Variants in RPS6KA2 observed in about 807,000 individuals in gnomAD.
RPS6KA2 encodes the protein ribosomal protein S6 kinase alpha-2.
A neutral mutation model predicts 91.8 loss-of-function variants in RPS6KA2; 42 were observed. The observed-to-expected ratio is 0.46, with a 90% CI of 0.36 to 0.59. The LOEUF (loss-of-function observed/expected upper bound fraction) is 0.59, where lower values mean the gene tolerates loss of function less well. Among genes scored for constraint, RPS6KA2 ranks in the 20% least tolerant of loss-of-function variants. RPS6KA2 has a pLI of 0.00. For synonymous variants in RPS6KA2, 414 were observed against 393.6 expected, an observed-to-expected ratio of 1.05 and a Z score of -0.61; for missense variants, 798 against 978.5, an observed-to-expected ratio of 0.82 and a Z score of 2.46.
chr6:166,439,151 C>G (rs1433014307), intron 14 of RPS6KA2, among the ~76,000 whole-genome samples: 2 of 152,088 alleles, frequency 1.3e-5, no homozygotes, highest in Non-Finnish European at 2.9e-5. Context: ...CTCTGTCGCC[C>G]AGGCTGGAGT....
chr6:166,779,999 T>C (rs1778725935), intron 2 of RPS6KA2, among the ~76,000 whole-genome samples: 1 of 152,170 alleles, frequency 6.6e-6, no homozygotes, highest in Admixed American at 6.5e-5. Context: ...AAGATGACAG[T>C]GCTCCCCCTT....
rs1778424651 is a variant in RPS6KA2 at position 166,770,076 on chromosome 6, T to G, written c.123+88124A>C. On this transcript the variant is annotated intron_variant, in intron 2 of 21. Transcript: ENST00000503859. This position sits in a 1 kb window ranked among gnomAD's most constrained non-coding sequence, Gnocchi z 5.1. Reference sequence around the variant, plus strand: ...AGAAACCAACTTCCAATGACCCGTTTGGCACCTACAAGGAGCAGGCCCATC... The same window carrying G: ...AGAAACCAACTTCCAATGACCCGTTGGGCACCTACAAGGAGCAGGCCCATC... 6.6e-6 allele frequency among the ~76,000 whole-genome samples: 1 copy of G among 152,210 alleles called. No individual in the cohort carries two copies. The highest frequency in any genetic ancestry group is 1.5e-5 in the Non-Finnish European group (1 of 68,046).
intron 2 of RPS6KA2, among the ~76,000 whole-genome samples, chr6:166,855,206 T>A (rs996497356): frequency 6.6e-6 from 1 of 152,136 alleles, no homozygotes; most frequent in Admixed American, 6.5e-5. Flanking sequence ...GGGGCGAGGA[T>A]GAAAAATCAC....
chr6:166,728,319 C>T (rs9457199), intron 2 of RPS6KA2, among the ~76,000 whole-genome samples: 3,116 of 152,264 alleles, frequency 0.02, 115 homozygotes, highest in African/African-American at 0.069. Flanking sequence ...TGGCAGAGAC[C>T]CAGGTTCCAC....
Position 166,504,579 on chromosome 6 carries a change from G to C in RPS6KA2, c.493C>G (p.Leu165Val). Residue 165 changes from leucine to valine, a missense_variant, in exon 6 of 21, where the codon CTG becomes GTG. Leu to Val is a conservative substitution (Grantham distance 32). Transcript: ENST00000265678. ...TCTAAAGCCAAGGCCAGCTCAGCCAGGTAGAACTTGACATCCTCCTCCGTG... is the reference window on the plus strand; with the variant it reads ...TCTAAAGCCAAGGCCAGCTCAGCCACGTAGAACTTGACATCCTCCTCCGTG... ...MFTEEDVKFY[L>V]AELALALDHL... 2.5e-6 allele frequency: 4 copies of C among 1,613,708 alleles called. No individual in the cohort carries two copies. Among genetic ancestry groups the C allele is most frequent in the Non-Finnish European group, 3.4e-6 (4 of 1,179,766 alleles).
rs182337390 is a variant in RPS6KA2 at position 166,480,795 on chromosome 6, G to A, written c.907+8038C>T. On this transcript the variant is annotated intron_variant, in intron 10 of 20. Transcript: ENST00000265678. The stretch of plus-strand genomic sequence containing the variant: ...CTCCCAAAGTGCTGGGATTACAGGC[G>A]TACACCACCACTCCTGGCCAATTTT... Among the ~76,000 whole-genome samples the A allele has an allele frequency of 2.9e-3, 435 of 151,950 alleles. 1 individual carries two copies. The highest frequency in any genetic ancestry group is 0.014 in the Middle Eastern group (4 of 294).
At chr6:166,502,565 T>C (rs1333326778) in intron 6 of RPS6KA2, among the ~76,000 whole-genome samples, 1 of 152,124 alleles carries the variant, frequency 6.6e-6, no homozygotes, top group Non-Finnish European at 1.5e-5. Flanking sequence ...CACACAGGCG[T>C]CAACAGCCAG....
chr6:166,572,632 C>A (rs898319390), intron 1 of RPS6KA2, among the ~76,000 whole-genome samples: 1 of 152,256 alleles, frequency 6.6e-6, no homozygotes, highest in Non-Finnish European at 1.5e-5. Context: ...AGCTCCTCCA[C>A]GCTCCACTGG....
intron 2 of RPS6KA2, among the ~76,000 whole-genome samples, chr6:166,659,387 G>A (rs575408964): frequency 3.9e-5 from 6 of 152,302 alleles, no homozygotes; most frequent in South Asian, 4.1e-4. Flanking sequence ...AGGGGTGGCC[G>A]GGGAGGGGAG....
intron 19 of RPS6KA2, among the ~76,000 whole-genome samples, chr6:166,415,129 T>A (rs138451247): frequency 1.3e-5 from 2 of 152,364 alleles, no homozygotes; most frequent in African/African-American, 4.8e-5. Flanking sequence ...ATTAGAATTT[T>A]GGGTCATGAA....
chr6:166,449,385 C>CCA (rs35564240), intron 13 of RPS6KA2, among the ~76,000 whole-genome samples: 39,366 of 151,972 alleles, frequency 0.26, 5,271 homozygotes, highest in Middle Eastern at 0.36. Context: ...TCTCCAAAGG[C>CCA]CAGGGAAGGA....
intron 1 of RPS6KA2, among the ~76,000 whole-genome samples, chr6:166,581,498 G>T (rs1312699547): frequency 6.6e-6 from 1 of 152,154 alleles, no homozygotes; most frequent in Non-Finnish European, 1.5e-5. Flanking sequence ...AAGTGCTCAG[G>T]TGGGTTCGGC....
intron 16 of RPS6KA2, among the ~76,000 whole-genome samples, chr6:166,427,246 C>G (rs950923422): frequency 6.6e-6 from 1 of 151,096 alleles, no homozygotes. Flanking sequence ...TGACAAAATT[C>G]AACAACCCTT....
chr6:166,454,764 T>C (rs1433714957), intron 12 of RPS6KA2, among the ~76,000 whole-genome samples: 1 of 152,004 alleles, frequency 6.6e-6, no homozygotes, highest in Non-Finnish European at 1.5e-5. Context: ...CGTGGCTTCC[T>C]AATCGTTTGT....
chr6:166,573,027 AC>A (rs919806253), intron 1 of RPS6KA2, among the ~76,000 whole-genome samples: 36 of 152,270 alleles, frequency 2.4e-4, no homozygotes, highest in African/African-American at 8.2e-4. Flanking sequence ...CCCACCCCAC[AC>A]CATGAGGACA....
chr6:166,475,400 T>C (rs983661237), intron 10 of RPS6KA2, among the ~76,000 whole-genome samples: 3 of 152,182 alleles, frequency 2.0e-5, no homozygotes, highest in Admixed American at 1.3e-4. Context: ...CATGGGGACA[T>C]TGCAGAGTCA....
intron 1 of RPS6KA2, among the ~76,000 whole-genome samples, chr6:166,543,557 C>T (rs1478746422): frequency 2.6e-5 from 4 of 152,222 alleles, no homozygotes; most frequent in African/African-American, 9.6e-5. Context: ...CTCTCTTCAC[C>T]TGGATTCCAG....
rs117688411 is a variant in RPS6KA2, at chr6:166,553,280, G to A, written c.100-14496C>T. 5.1e-4 allele frequency among the ~76,000 whole-genome samples: 78 copies of A among 152,018 alleles called. 8 individuals carry two copies. Among genetic ancestry groups the A allele is most frequent in the East Asian group, 5.0e-3 (26 of 5,176 alleles). ...GCAACAGGTAAGTGACACCATGCCC[G>A]GCTAATTTTCTTTGTATTTTTTTGT... On this transcript the variant is annotated intron_variant, in intron 1 of 20. Transcript: ENST00000265678.
At chr6:166,814,456 C>A (rs775631652) in intron 2 of RPS6KA2, among the ~76,000 whole-genome samples, 2 of 152,218 alleles carry the variant, frequency 1.3e-5, no homozygotes, top group Admixed American at 6.5e-5. Flanking sequence ...GGGCCATAAA[C>A]CAGTACCAGC....
Sources: gnomAD v4.1 joint callset for allele counts (sites outside exome capture counted in the v4.1 genomes callset) on GRCh38, gnomAD v4.1.1 for gene constraint, Gnocchi (gnomAD v3.1) non-coding constraint, MANE v1.5 for transcripts, NCBI Gene and HGNC (gene_info 2026-07-23, HGNC 2026-07-21) for gene names.